The following GPHN variants were observed in gnomAD, a reference collection of about 807,000 sequenced individuals.
GPHN encodes gephyrin.
In GPHN, 17 loss-of-function variants were observed where a neutral mutation model predicts 95.5. That is an observed-to-expected ratio of 0.18 (90% CI 0.12 to 0.27). The LOEUF is 0.27. Ranked by LOEUF, GPHN falls within the 10% of genes least tolerant of loss-of-function variation. The pLI, the probability that GPHN is intolerant of heterozygous loss-of-function variation, is 1.00. For missense variants in GPHN, 660 were observed against 978.1 expected, an observed-to-expected ratio of 0.67 and a Z score of 4.34; for synonymous variants, 320 against 322.5, an observed-to-expected ratio of 0.99 and a Z score of 0.08.
chr14:67,437,860 T>TC, the GPHN span, among the ~76,000 whole-genome samples: 1 of 151,496 alleles, frequency 6.6e-6, no homozygotes, highest in Non-Finnish European at 1.5e-5. Flanking sequence ...TGGGAGGAGG[T>TC]TTTGCTGGTC....
rs72728656 is a variant in GPHN at position 66,797,880 on chromosome 14, A to G, written c.201+21359A>G. On this transcript the variant is annotated intron_variant, in intron 3 of 22. Coordinates refer to ENST00000478722, the MANE Select transcript of GPHN (RefSeq NM_020806.5). Reference sequence around the variant, plus strand: ...ACTATGTTGAGTAACACTGATGACAATGGGCATACTGGTCTTCTACCAGAT... The same window carrying G: ...ACTATGTTGAGTAACACTGATGACAGTGGGCATACTGGTCTTCTACCAGAT... 4.6e-3 allele frequency among the ~76,000 whole-genome samples: 706 copies of G among 151,992 alleles called. 2 individuals are homozygous for G. The highest frequency in any genetic ancestry group is 7.5e-3 in the Non-Finnish European group (506 of 67,786).
intron 8 of GPHN, among the ~76,000 whole-genome samples, chr14:66,935,527 T>A (rs951500470): frequency 1.3e-5 from 2 of 151,140 alleles, no homozygotes; most frequent in Non-Finnish European, 2.9e-5. Flanking sequence ...AAAACAAACA[T>A]GCTGTATGTT....
At chr14:67,634,472 T>C in the GPHN span, among the ~76,000 whole-genome samples, 1 of 150,882 alleles carries the variant, frequency 6.6e-6, no homozygotes. Context: ...GTGGCTTCTG[T>C]AGTCCCAGCT....
intron 3 of GPHN, among the ~76,000 whole-genome samples, chr14:66,802,777 A>G (rs1406239587): frequency 2.0e-5 from 3 of 152,128 alleles, no homozygotes; most frequent in Non-Finnish European, 4.4e-5. Context: ...CGAGGACCTC[A>G]TGACTCTGAC....
At chr14:67,359,729 G>T in the GPHN span, 1 of 1,613,492 alleles carries the variant, frequency 6.2e-7, no homozygotes. Flanking sequence ...TCGGGTCCCC[G>T]GCCGGGCAAC....
At chr14:67,130,626 G>T in intron 17 of GPHN, among the ~76,000 whole-genome samples, 1 of 152,092 alleles carries the variant, frequency 6.6e-6, no homozygotes, top group East Asian at 1.9e-4. Context: ...TATATACCCA[G>T]TGATGAGATT....
the GPHN span, among the ~76,000 whole-genome samples, chr14:67,217,795 A>G: frequency 9.9e-5 from 15 of 151,852 alleles, no homozygotes; most frequent in African/African-American, 3.4e-4. Flanking sequence ...GACATTTTCT[A>G]TGTTTTCTTA....
the GPHN span, among the ~76,000 whole-genome samples, chr14:67,298,904 T>G: frequency 8.5e-5 from 13 of 152,344 alleles, no homozygotes; most frequent in Admixed American, 3.9e-4. Context: ...TTGTGGACAT[T>G]TCATATAAAT....
the GPHN span, among the ~76,000 whole-genome samples, chr14:67,676,596 G>A: frequency 2.0e-5 from 3 of 152,062 alleles, no homozygotes; most frequent in African/African-American, 7.2e-5. Context: ...AAATGGCCCG[G>A]GATGATCAAG....
chr14:67,370,848 A>C, the GPHN span, among the ~76,000 whole-genome samples: 1 of 151,738 alleles, frequency 6.6e-6, no homozygotes, highest in African/African-American at 2.4e-5. Flanking sequence ...AACATGACGA[A>C]ACCTCATCTC....
intron 8 of GPHN, among the ~76,000 whole-genome samples, chr14:66,961,900 GTATATATATATA>G (rs767734322): frequency 0.026 from 1,395 of 52,972 alleles, 34 homozygotes; most frequent in Non-Finnish European, 0.046. Flanking sequence ...CCCTGAATGT[GTATATATATATA>G]TATATATATA....
chr14:67,597,717 G>C, the GPHN span, among the ~76,000 whole-genome samples: 4 of 151,608 alleles, frequency 2.6e-5, no homozygotes, highest in African/African-American at 9.7e-5. Context: ...AAAATATTCT[G>C]GAGGATACTC....
chr14:67,067,342 C>A (rs1256872076), intron 11 of GPHN, among the ~76,000 whole-genome samples: 2 of 152,098 alleles, frequency 1.3e-5, no homozygotes, highest in Non-Finnish European at 2.9e-5. Context: ...CAGAGGGACA[C>A]CTGCCTGTAT....
At chr14:66,884,915 G>T in intron 5 of GPHN, among the ~76,000 whole-genome samples, 1 of 151,264 alleles carries the variant, frequency 6.6e-6, no homozygotes, top group Middle Eastern at 3.2e-3. Flanking sequence ...ATTTACCATT[G>T]TAATCTTCAG....
chr14:67,127,912 A>T (rs982431887), intron 17 of GPHN, among the ~76,000 whole-genome samples: 1 of 152,242 alleles, frequency 6.6e-6, no homozygotes, highest in Non-Finnish European at 1.5e-5. Flanking sequence ...CAAAGCCTCA[A>T]AATGGTATGT....
chr14:67,028,090 CTTT>C (rs772423517), intron 10 of GPHN, among the ~76,000 whole-genome samples: 37 of 152,242 alleles, frequency 2.4e-4, no homozygotes, highest in Admixed American at 1.4e-3. Flanking sequence ...GTGAGGTCAA[CTTT>C]TTTAACTCCC....
intron 4 of GPHN, among the ~76,000 whole-genome samples, chr14:66,837,245 C>T (rs1049780611): frequency 2.0e-5 from 3 of 151,562 alleles, no homozygotes; most frequent in Non-Finnish European, 4.4e-5. Context: ...ATATGTACAC[C>T]ATGGAATACT....
chr14:67,729,299 A>G, the GPHN span: 1 of 1,602,794 alleles, frequency 6.2e-7, no homozygotes, highest in Non-Finnish European at 8.5e-7. Flanking sequence ...CCCTTTGTCA[A>G]GACGGCACGG....
At chr14:66,733,377 A>G (rs1234541681) in intron 2 of GPHN, among the ~76,000 whole-genome samples, 1 of 151,928 alleles carries the variant, frequency 6.6e-6, no homozygotes, top group Non-Finnish European at 1.5e-5. Flanking sequence ...ACTAATACAG[A>G]CACCTAGCAT....
Sources: allele counts gnomAD v4.1 joint callset (sites outside exome capture counted in the v4.1 genomes callset), GRCh38; gene constraint gnomAD v4.1.1; transcripts MANE v1.5; gene names NCBI Gene and HGNC (gene_info 2026-07-23, HGNC 2026-07-21).